GCNT1: variants seen among roughly 807,000 people sequenced by gnomAD.
The protein encoded by GCNT1 is beta-1,3-galactosyl-O-glycosyl-glycoprotein beta-1,6-N-acetylglucosaminyltransferase.
In GCNT1, 16 loss-of-function variants were observed where a neutral mutation model predicts 26.2. That is an observed-to-expected ratio of 0.61 (90% CI 0.41 to 0.93). The LOEUF is 0.93. Among genes scored for constraint, GCNT1 ranks in the 40% least tolerant of loss-of-function variants. GCNT1 has a pLI of 0.00. For synonymous variants in GCNT1, 183 were observed against 190.8 expected, an observed-to-expected ratio of 0.96 and a Z score of 0.34; for missense variants, 477 against 526.7, an observed-to-expected ratio of 0.91 and a Z score of 0.92.
At chr9:76,482,315 C>T (rs1220693120) in intron 2 of GCNT1, among the ~76,000 whole-genome samples, 1 of 151,656 alleles carries the variant, frequency 6.6e-6, no homozygotes, top group Non-Finnish European at 1.5e-5. Context: ...TTTCTAGTAG[C>T]AGCATTAAAA....
chr9:76,415,451 C>T (rs992500218), upstream of GCNT1, among the ~76,000 whole-genome samples: 3 of 152,166 alleles, frequency 2.0e-5, no homozygotes, highest in African/African-American at 7.2e-5. Context: ...AATTAAGTCT[C>T]ACATATTTGT....
At chr9:76,450,693 A>T (rs569705191) in intron 1 of GCNT1, among the ~76,000 whole-genome samples, 41 of 152,272 alleles carry the variant, frequency 2.7e-4, no homozygotes, top group African/African-American at 9.6e-4. Flanking sequence ...TTCTTTAGTG[A>T]AGTATCTTAT....
intron 2 of GCNT1, among the ~76,000 whole-genome samples, chr9:76,473,157 A>G (rs1165281654): frequency 6.6e-6 from 1 of 152,202 alleles, no homozygotes; most frequent in African/African-American, 2.4e-5. Context: ...TTCCAGCAAC[A>G]CTAGATGCTT....
Position 76,504,698 on chromosome 9 carries a change from T to A in GCNT1, c.*1030T>A. 1 of 413,312 alleles carries A rather than the reference T, an allele frequency of 2.4e-6. No individual in the cohort carries two copies. Among genetic ancestry groups the A allele is most frequent in the Non-Finnish European group, 4.4e-6 (1 of 226,112 alleles). 25.6% of individuals were successfully genotyped at this position (413,312 alleles called of 1,614,324 possible). On this transcript the variant is annotated 3_prime_UTR_variant, in exon 4 of 4. Coordinates refer to ENST00000376730, the MANE Select transcript of GCNT1 (RefSeq NM_001490.5). ...AAAATTAAGGCTGTCGCTTATTGAA[T>A]CCACTTGTGTCCAACCTCCCAGGAT...
Position 76,506,351 on chromosome 9 carries a change from C to G in GCNT1, c.*2683C>G, listed in dbSNP as rs1424588877. 2 of 166,708 alleles carry G rather than the reference C, an allele frequency of 1.2e-5. No individual in the cohort carries two copies. Among genetic ancestry groups the G allele is most frequent in the Non-Finnish European group, 2.9e-5 (2 of 68,050 alleles). 10.3% of individuals were successfully genotyped at this position (166,708 alleles called of 1,614,324 possible). On this transcript the variant is annotated 3_prime_UTR_variant, in exon 4 of 4. Transcript: ENST00000376730. ...TTCAGGATTTCAAGACCAGCCTAGC[C>G]AACATGACGAAACCCCATCTCTACT...
chr9:76,458,568 C>T (rs1310268438), upstream of GCNT1, among the ~76,000 whole-genome samples: 1 of 152,144 alleles, frequency 6.6e-6, no homozygotes, highest in African/African-American at 2.4e-5. Flanking sequence ...GACACAGACA[C>T]AATATTCCCC....
chr9:76,399,598 A>G, the GCNT1 span: 1 of 1,113,936 alleles, frequency 9.0e-7, no homozygotes, highest in Non-Finnish European at 1.4e-6. Flanking sequence ...CTGTTCTTGC[A>G]TAGGCTCTTA....
chr9:76,442,293 T>G (rs975332642), exon 1 of GCNT1: 6 of 152,242 alleles, frequency 3.9e-5, no homozygotes, highest in African/African-American at 1.4e-4. Context: ...GAGACCTGCT[T>G]CAGACTTCTG....
intron 2 of GCNT1, among the ~76,000 whole-genome samples, chr9:76,464,466 A>G (rs910389628): frequency 6.6e-6 from 1 of 152,126 alleles, no homozygotes; most frequent in Non-Finnish European, 1.5e-5. Flanking sequence ...ATCTGCCCAC[A>G]TTGGCCTCCC....
chr9:76,483,829 T>A (rs549543148), intron 2 of GCNT1, among the ~76,000 whole-genome samples: 11 of 152,168 alleles, frequency 7.2e-5, no homozygotes, highest in African/African-American at 2.6e-4. Context: ...AAACTTTTTG[T>A]CGTGTGTGTG....
chr9:76,436,598 CAAAAAAAAAAAAA>C (rs1178497535), intron 1 of GCNT1, among the ~76,000 whole-genome samples: 1 of 41,120 alleles, frequency 2.4e-5, no homozygotes, highest in Non-Finnish European at 4.7e-5. Context: ...GATTCCATCT[CAAAAAAAAAAAAA>C]AAAAAAAAAG....
At position 76,505,839 on chromosome 9, in the gene GCNT1, T is replaced by G. The variant is rs76510191; in HGVS notation, c.*2171T>G. 1.6e-3 allele frequency: 274 copies of G among 166,204 alleles called. 2 individuals carry two copies. The highest frequency in any genetic ancestry group is 6.2e-3 in the African/African-American group (258 of 41,588). 10.3% of individuals were successfully genotyped at this position (166,204 alleles called of 1,614,324 possible). ...AAATTGGCAGGTTTTGAGGGATTTT[T>G]TTCTTCATCATAAATGTAAACATAG... On this transcript the variant is annotated 3_prime_UTR_variant, in exon 4 of 4. Transcript: ENST00000376730.
chr9:76,497,087 G>C (rs1465294368), intron 2 of GCNT1, among the ~76,000 whole-genome samples: 1 of 152,172 alleles, frequency 6.6e-6, no homozygotes, highest in Non-Finnish European at 1.5e-5. Flanking sequence ...TGTCCTCACT[G>C]GCAAATCCCA....
upstream of GCNT1, among the ~76,000 whole-genome samples, chr9:76,457,981 C>A (rs1170043605): frequency 2.6e-5 from 4 of 151,738 alleles, no homozygotes; most frequent in African/African-American, 4.8e-5. Context: ...TTCTGTGATA[C>A]CCCCTACACG....
chr9:76,396,487 CAA>C, the GCNT1 span, among the ~76,000 whole-genome samples: 1 of 149,010 alleles, frequency 6.7e-6, no homozygotes, highest in Non-Finnish European at 1.5e-5. Flanking sequence ...AGAAAAGAAA[CAA>C]GAAAAAAAAG....
chr9:76,410,728 G>A, the GCNT1 span, among the ~76,000 whole-genome samples: 1 of 152,216 alleles, frequency 6.6e-6, no homozygotes, highest in African/African-American at 2.4e-5. Context: ...GGGTAAAGCA[G>A]TCTAGAAATG....
At chr9:76,473,058 TGTCTTTAC>T (rs1824174771) in intron 2 of GCNT1, among the ~76,000 whole-genome samples, 2 of 152,190 alleles carry the variant, frequency 1.3e-5, no homozygotes, top group Admixed American at 6.5e-5. Flanking sequence ...GACACTTGTC[TGTCTTTAC>T]GTCTTTGTTT....
intron 1 of GCNT1, among the ~76,000 whole-genome samples, chr9:76,424,569 C>T (rs1823235931): frequency 6.6e-6 from 1 of 152,148 alleles, no homozygotes; most frequent in Non-Finnish European, 1.5e-5. Context: ...AATAAATAAA[C>T]TCTTTTTTCA....
the GCNT1 span, among the ~76,000 whole-genome samples, chr9:76,411,728 G>A: frequency 1.5e-3 from 133 of 90,894 alleles, 2 homozygotes; most frequent in South Asian, 0.042. Flanking sequence ...TTTTAACAGA[G>A]TCTTGCTCTG....
Sources: allele counts gnomAD v4.1 joint callset (sites outside exome capture counted in the v4.1 genomes callset), GRCh38; gene constraint gnomAD v4.1.1; transcripts MANE v1.5; gene names NCBI Gene and HGNC (gene_info 2026-07-23, HGNC 2026-07-21).